RIC1: variants seen among roughly 807,000 people sequenced by gnomAD.
The protein encoded by RIC1 is guanine nucleotide exchange factor subunit RIC1.
RIC1 carries 88 observed loss-of-function variants against 169.0 expected under a neutral mutation model. The observed-to-expected ratio is 0.52, with a 90% CI of 0.44 to 0.62. The LOEUF (loss-of-function observed/expected upper bound fraction) is 0.62. RIC1 is among the 20% of genes least tolerant of loss of function. The pLI, the probability that RIC1 is intolerant of heterozygous loss-of-function variation, is 0.00. For missense variants in RIC1, 1,877 were observed against 1,725.5 expected, an observed-to-expected ratio of 1.09 and a Z score of -1.56; for synonymous variants, 790 against 601.5, an observed-to-expected ratio of 1.31 and a Z score of -4.59.
intron 19 of RIC1, among the ~76,000 whole-genome samples, chr9:5,764,096 G>A (rs1826517471): frequency 2.0e-5 from 3 of 152,038 alleles, no homozygotes; most frequent in Non-Finnish European, 4.4e-5. Flanking sequence ...AGATTAATGA[G>A]TTCAGAGTAG....
intron 1 of RIC1, among the ~76,000 whole-genome samples, chr9:5,633,087 C>T (rs986898017): frequency 4.6e-5 from 7 of 152,108 alleles, no homozygotes; most frequent in African/African-American, 1.7e-4. Flanking sequence ...TAATAAAAAG[C>T]TGAAATGGGC....
At chr9:5,682,309 T>A (rs1298468420) in intron 2 of RIC1, among the ~76,000 whole-genome samples, 1 of 152,230 alleles carries the variant, frequency 6.6e-6, no homozygotes, top group Non-Finnish European at 1.5e-5. Context: ...GTTTTTCCTT[T>A]CCACGTTTAG....
intron 6 of RIC1, among the ~76,000 whole-genome samples, chr9:5,723,827 G>A (rs566846444): frequency 1.8e-4 from 27 of 152,180 alleles, no homozygotes; most frequent in South Asian, 1.2e-3. Flanking sequence ...TCCTTTCCCC[G>A]TTTCTTGTTT....
At chr9:5,684,617 C>A (rs1821095639) in intron 2 of RIC1, among the ~76,000 whole-genome samples, 1 of 152,016 alleles carries the variant, frequency 6.6e-6, no homozygotes. Flanking sequence ...ACTAAACTCA[C>A]TTATTATAGT....
rs543032713 is a variant in RIC1 at position 5,686,610 on chromosome 9, C to T, written c.253-3349C>T. Among the ~76,000 whole-genome samples the T allele has an allele frequency of 1.3e-4, 17 of 127,852 alleles. No individual in the cohort carries two copies. The East Asian group carries it at 2.5e-3, about 19-fold the overall frequency. 83.9% of individuals were successfully genotyped at this position (127,852 alleles called of 152,430 possible). The stretch of plus-strand genomic sequence containing the variant: ...CAGGGAGACATGAAGGGGAATATCA[C>T]ACTCTGGGGACTGTGGTGGGGTGGG... On this transcript the variant is annotated intron_variant, in intron 2 of 25. Transcript: ENST00000414202.
intron 1 of RIC1, among the ~76,000 whole-genome samples, chr9:5,654,021 A>G (rs528798062): frequency 9.6e-4 from 146 of 152,168 alleles, no homozygotes; most frequent in African/African-American, 3.3e-3. Context: ...TGTTTTTGAG[A>G]CAGCATCTTA....
rs1431725144 is a variant in RIC1, at chr9:5,691,256, A to G, written c.332+1218A>G. Among the ~76,000 whole-genome samples, 4 of 151,972 alleles carry G rather than the reference A, an allele frequency of 2.6e-5. No individual in the cohort carries two copies. The East Asian group carries it at 5.8e-4, about 22-fold the overall frequency. ...TATGACCATGACTGTATAAAACAAAACAACGCAAGTCATCTAAAGACAAAA... is the reference window on the plus strand; with the variant it reads ...TATGACCATGACTGTATAAAACAAAGCAACGCAAGTCATCTAAAGACAAAA... On this transcript the variant is annotated intron_variant, in intron 3 of 25. Coordinates refer to ENST00000414202, the MANE Select transcript of RIC1 (RefSeq NM_020829.4).
chr9:5,738,289 G>C (rs1378556469), intron 7 of RIC1, among the ~76,000 whole-genome samples, 161 bp from the exon 8 acceptor site: 1 of 152,130 alleles, frequency 6.6e-6, no homozygotes, highest in Non-Finnish European at 1.5e-5. Flanking sequence ...TGCTAGATTA[G>C]AATATGCCTT....
In RIC1 at chr9:5,773,075, A is replaced by C. The variant is rs151076509; in HGVS notation, c.3978A>C (p.Thr1326=). ...ATGCAGTGGACCGATGGGCCTCTAC[A>C]GACTGGTAAGTGCTGCTTTCCTTAG... ...GLHAVDRWAS[T]DCPGYKPFLN... The change falls in exon 25 of 26, where the codon ACA becomes ACC. Residue 1326 remains threonine, a synonymous_variant. Coordinates refer to ENST00000414202, the MANE Select transcript of RIC1 (RefSeq NM_020829.4). 6 of 1,599,176 alleles carry C rather than the reference A, an allele frequency of 3.8e-6. No homozygotes were observed. The Admixed American group carries it at 5.2e-5, about 14-fold the overall frequency.
chr9:5,677,703 G>A (rs1399458530), intron 2 of RIC1, among the ~76,000 whole-genome samples: 1 of 150,014 alleles, frequency 6.7e-6, no homozygotes, highest in Non-Finnish European at 1.5e-5. Context: ...ATTTTTTTTT[G>A]TAAACATTAA....
intron 3 of RIC1, 46 bp from the exon 4 acceptor site, chr9:5,713,850 G>C: frequency 7.5e-7 from 1 of 1,337,392 alleles, no homozygotes; most frequent in Non-Finnish European, 1.1e-6. Context: ...CCACAGAATG[G>C]AGGCAAATTC....
At chr9:5,692,066 A>G (rs1821619956) in intron 3 of RIC1, among the ~76,000 whole-genome samples, 1 of 152,090 alleles carries the variant, frequency 6.6e-6, no homozygotes, top group Non-Finnish European at 1.5e-5. Context: ...AAGGCAGAGA[A>G]CTAAATAAAA....
chr9:5,681,782 C>T (rs573826055), intron 2 of RIC1, among the ~76,000 whole-genome samples: 1 of 152,212 alleles, frequency 6.6e-6, no homozygotes, highest in East Asian at 1.9e-4. Context: ...GAGTCTAAGT[C>T]TCTTTGTAGG....
chr9:5,674,392 T>A (rs1027143247), intron 2 of RIC1, among the ~76,000 whole-genome samples: 6 of 152,162 alleles, frequency 3.9e-5, no homozygotes, highest in Admixed American at 1.3e-4. Flanking sequence ...AGGTCAGCAT[T>A]TACTCAATAT....
intron 2 of RIC1, among the ~76,000 whole-genome samples, chr9:5,668,556 A>C (rs1375267923): frequency 6.6e-6 from 1 of 152,140 alleles, no homozygotes; most frequent in Non-Finnish European, 1.5e-5. Flanking sequence ...CAGGTCCCCC[A>C]GACTCTGCTT....
intron 1 of RIC1, among the ~76,000 whole-genome samples, chr9:5,633,027 A>G (rs1817793838): frequency 6.6e-6 from 1 of 152,182 alleles, no homozygotes; most frequent in Non-Finnish European, 1.5e-5. Flanking sequence ...AGTGTGTTAG[A>G]TGTTAGTGTG....
intron 2 of RIC1, among the ~76,000 whole-genome samples, chr9:5,683,854 CT>C (rs1186814043): frequency 6.6e-6 from 1 of 152,200 alleles, no homozygotes; most frequent in Non-Finnish European, 1.5e-5. Context: ...GCGGGCGCCC[CT>C]CCCCCAGCCT....
At chr9:5,642,593 G>A (rs185414218) in intron 1 of RIC1, among the ~76,000 whole-genome samples, 4 of 144,784 alleles carry the variant, frequency 2.8e-5, no homozygotes, top group Admixed American at 2.0e-4. Context: ...GGCTAAGCAG[G>A]CACTCAAACC....
At chr9:5,744,134 G>T (rs1825245921) in intron 10 of RIC1, among the ~76,000 whole-genome samples, 1 of 151,936 alleles carries the variant, frequency 6.6e-6, no homozygotes, top group Non-Finnish European at 1.5e-5. Context: ...TTAATTGGAA[G>T]GCTGCCTGGT....
Sources: gnomAD v4.1 joint callset for allele counts (sites outside exome capture counted in the v4.1 genomes callset) on GRCh38, gnomAD v4.1.1 for gene constraint, MANE v1.5 for transcripts, NCBI Gene and HGNC (gene_info 2026-07-23, HGNC 2026-07-21) for gene names.